CC2D1A: variants seen among roughly 807,000 people sequenced by gnomAD.
CC2D1A encodes coiled-coil and C2 domain containing 1A.
A neutral mutation model predicts 123.8 loss-of-function variants in CC2D1A; 68 were observed. The ratio of observed to expected loss-of-function variants is 0.55; its 90% confidence interval spans 0.45 to 0.67. CC2D1A has a LOEUF of 0.67. CC2D1A is among the 30% of genes least tolerant of loss of function. CC2D1A has a pLI of 0.00. For synonymous variants in CC2D1A, 477 were observed against 528.0 expected (o/e 0.90, Z 1.32); for missense variants, 1,185 against 1,290.3 (o/e 0.92, Z 1.25).
chr19:13,916,700 C>G (rs1172482543), intron 6 of CC2D1A, among the ~76,000 whole-genome samples: 1 of 151,866 alleles, frequency 6.6e-6, no homozygotes, highest in Admixed American at 6.6e-5. Context: ...GAAATAAAAC[C>G]AATACAATGT....
chr19:13,919,309 A>G (rs754596375), intron 11 of CC2D1A, 107 bp downstream of exon 11: 19 of 823,440 alleles, frequency 2.3e-5, no homozygotes, highest in Admixed American at 1.7e-4. Flanking sequence ...CTGTTCCTCC[A>G]GCCTCTGAGC....
Position 13,923,864 on chromosome 19 carries a change from C to A in CC2D1A, c.1940+53C>A. ...CGTGGCCCCAGTGGCCCTTTGGTGG[C>A]GGTGGGGCGGGTTGTGCTCCCCAGA... On this transcript the variant is annotated intron_variant, in intron 17 of 28. Transcript: ENST00000318003. This position sits in a 1 kb window ranked among gnomAD's most constrained non-coding sequence, Gnocchi z 5.3. 1 of 1,367,910 alleles carries A rather than the reference C, an allele frequency of 7.3e-7. No individual in the cohort carries two copies. Among genetic ancestry groups the A allele is most frequent in the South Asian group, 1.2e-5 (1 of 85,604 alleles). The allele number at this position is 1,367,910 out of a possible 1,614,324, so 84.7% of individuals were successfully genotyped here.
chr19:13,920,647 C>T lies in CC2D1A; in HGVS notation c.1447C>T (p.Pro483Ser). The T allele has an allele frequency of 6.2e-7, 1 of 1,610,524 alleles. No individual in the cohort carries two copies. Among genetic ancestry groups the T allele is most frequent in the Non-Finnish European group, 8.5e-7 (1 of 1,178,352 alleles). ...ATCAGCCCCAACAGCCAAAGCGCCC[C>T]CCAAAGCCACATCCACCAGAGGTAA... The part of the protein sequence containing the change: ...SGSAPTAKAP[P>S]KATSTRAQQQ... Residue 483 changes from proline (P) to serine (S), a missense_variant, in exon 13 of 29, where the codon CCC (proline) becomes TCC (serine). Pro to Ser is a moderately conservative substitution (Grantham distance 74). Transcript: ENST00000318003.
Position 13,906,526 on chromosome 19 carries a change from C to T in CC2D1A, c.60+25C>T. Reference sequence around the variant, plus strand: ...GGTGAGTTTGCGCCCCACGGCCCGACCTGGGGATCCCTCCCCACCCCCGTC... The same window carrying T: ...GGTGAGTTTGCGCCCCACGGCCCGATCTGGGGATCCCTCCCCACCCCCGTC... On this transcript the variant is annotated intron_variant, in intron 1 of 28. Coordinates refer to ENST00000318003, the MANE Select transcript of CC2D1A (RefSeq NM_017721.5). This position sits in a 1 kb window ranked among gnomAD's most constrained non-coding sequence, Gnocchi z 4.1. The T allele has an allele frequency of 6.2e-6, 9 of 1,448,732 alleles. No homozygotes were observed. Among genetic ancestry groups the T allele is most frequent in the Non-Finnish European group, 8.2e-6 (9 of 1,099,962 alleles). 89.7% of individuals were successfully genotyped at this position (1,448,732 alleles called of 1,614,324 possible).
chr19:13,929,431 C>T lies in CC2D1A; in HGVS notation c.2572C>T (p.Leu858=). The T allele has an allele frequency of 6.2e-7, 1 of 1,613,418 alleles. No homozygotes were observed. Among genetic ancestry groups the T allele is most frequent in the Non-Finnish European group, 8.5e-7 (1 of 1,179,984 alleles). Reference sequence around the variant, plus strand: ...TGTGCTGGCGTTTGACCAAGAGCGTCTGGAGCGGAAGGTGGGTATCCATCC... The same window carrying T: ...TGTGCTGGCGTTTGACCAAGAGCGTTTGGAGCGGAAGGTGGGTATCCATCC... ...LSVLAFDQER[L]ERKILALRQA... Residue 858 remains leucine, a synonymous_variant, in exon 25 of 29, where the codon CTG becomes TTG. Transcript: ENST00000318003.
chr19:13,925,934 A>AAAG (rs71170583), intron 17 of CC2D1A, among the ~76,000 whole-genome samples: 14 of 66,148 alleles, frequency 2.1e-4, no homozygotes, highest in Non-Finnish European at 2.8e-4. Context: ...AAAAAAAAAA[A>AAAG]TATATATATA....
Position 13,920,648 on chromosome 19 carries a change from C to A in CC2D1A, c.1448C>A (p.Pro483His), listed in dbSNP as rs201884654. ...TCAGCCCCAACAGCCAAAGCGCCCCCCAAAGCCACATCCACCAGAGGTAAG... is the reference window on the plus strand; with the variant it reads ...TCAGCCCCAACAGCCAAAGCGCCCCACAAAGCCACATCCACCAGAGGTAAG... ...SGSAPTAKAPPKATSTRAQQQ... is the reference protein window; with the variant it reads ...SGSAPTAKAPHKATSTRAQQQ... Residue 483 changes from proline (P) to histidine (H), a missense_variant, in exon 13 of 29, where the codon CCC (proline) becomes CAC (histidine). Transcript: ENST00000318003. 9.9e-4 allele frequency: 1,595 copies of A among 1,610,668 alleles called. No homozygotes were observed. Among genetic ancestry groups the A allele is most frequent in the Middle Eastern group, 5.5e-3 (33 of 6,054 alleles).
At chr19:13,926,116 C>T (rs1025596205) in intron 17 of CC2D1A, among the ~76,000 whole-genome samples, 13 of 147,884 alleles carry the variant, frequency 8.8e-5, no homozygotes, top group African/African-American at 3.3e-4. Flanking sequence ...GAAGGTCCCC[C>T]AGCAGCTGGG....
At chr19:13,916,717 T>G (rs1470585852) in intron 6 of CC2D1A, among the ~76,000 whole-genome samples, 1 of 152,104 alleles carries the variant, frequency 6.6e-6, no homozygotes, top group African/African-American at 2.4e-5. Flanking sequence ...ATGTCAAAGG[T>G]GTGTCACTTC....
intron 7 of CC2D1A, 91 bp downstream of exon 7, chr19:13,918,285 C>T: frequency 7.2e-7 from 1 of 1,396,646 alleles, no homozygotes; most frequent in Non-Finnish European, 9.6e-7. Flanking sequence ...TGCATCCTAG[C>T]TTGGTCACTC....
Position 13,918,120 on chromosome 19 carries a change from T to C in CC2D1A, c.799T>C (p.Tyr267His). 1.2e-6 allele frequency: 2 copies of C among 1,612,328 alleles called. No homozygotes were observed. Among genetic ancestry groups the C allele is most frequent in the Non-Finnish European group, 1.7e-6 (2 of 1,179,802 alleles). Reference sequence around the variant, plus strand: ...CCAGTTGCAGAGCCGCCAGCGCGACTACAAGCTGGCTGCCCTCCACGCCAA... The same window carrying C: ...CCAGTTGCAGAGCCGCCAGCGCGACCACAAGCTGGCTGCCCTCCACGCCAA... ...LAQLQSRQRD[Y>H]KLAALHAKQQ... is the part of the protein sequence containing the mutation. Residue 267 changes from tyrosine to histidine, a missense_variant, in exon 7 of 29, where the codon TAC (tyrosine) becomes CAC (histidine). By Grantham distance (83) the Tyr-to-His change is moderately conservative (BLOSUM62 2). Coordinates refer to ENST00000318003, the MANE Select transcript of CC2D1A (RefSeq NM_017721.5).
chr19:13,912,429 T>C lies in CC2D1A; in HGVS notation c.303T>C (p.Asp101=). The change falls in exon 3 of 29, where the codon GAT becomes GAC. Residue 101 remains aspartate (D), a synonymous_variant. Transcript: ENST00000318003. ...ATGAGGACGACTTGGAGGCTGATGA[T>C]GACCTGCTGGTGAGCACTGAGGGCG... is the stretch of plus-strand genomic sequence containing the variant. The part of the protein sequence containing the change: ...GTDEDDLEAD[D]DLLAELNEVL... 1 of 1,613,846 alleles carries C rather than the reference T, an allele frequency of 6.2e-7. No individual in the cohort carries two copies.
Position 13,923,460 on chromosome 19 carries a change from G to C in CC2D1A, c.1764+5G>C. 1 of 1,614,052 alleles carries C rather than the reference G, an allele frequency of 6.2e-7. No individual in the cohort carries two copies. Among genetic ancestry groups the C allele is most frequent in the Non-Finnish European group, 8.5e-7 (1 of 1,179,990 alleles). On this transcript the variant is annotated splice_donor_5th_base_variant and intron_variant, in intron 15 of 28. Transcript: ENST00000318003. The surrounding 1 kb of genome is among the most constrained non-coding windows in gnomAD (Gnocchi z 5.3). ...CTCATACGGCAGCAGCACGAGGTGA[G>C]GGGGAGGCCCCCAGCCCATCCCCCA...
In CC2D1A at chr19:13,912,368, T is replaced by A. The variant is rs1022493160; in HGVS notation, c.242T>A (p.Met81Lys). 1.2e-6 allele frequency: 2 copies of A among 1,612,976 alleles called. No homozygotes were observed. Among genetic ancestry groups the A allele is most frequent in the African/African-American group, 2.7e-5 (2 of 74,968 alleles). Residue 81 changes from methionine to lysine, a missense_variant, in exon 3 of 29, where the codon ATG (methionine) becomes AAG (lysine). Transcript: ENST00000318003. ...EAIEKMASLC[M>K]RDPDEDEEEG... ...ATTGAGAAGATGGCCAGCCTGTGCA[T>A]GAGAGACCCGGATGAGGATGAGGAG...
rs751407136 is a variant in CC2D1A at position 13,919,804 on chromosome 19, G to T, written c.1223-14G>T. 5.0e-6 allele frequency: 8 copies of T among 1,588,944 alleles called. No individual in the cohort carries two copies. In the East Asian group the frequency reaches 1.1e-4, roughly 22 times the overall value. On this transcript the variant is annotated splice_polypyrimidine_tract_variant and intron_variant, in intron 11 of 28. Coordinates refer to ENST00000318003, the MANE Select transcript of CC2D1A (RefSeq NM_017721.5). ...TCCTGACACACAATAACCAGGCCTC[G>T]ACTGGCCACCCAGGCTTCCCCCCAA...
In CC2D1A at chr19:13,930,801, G is replaced by C; in HGVS notation, c.*406G>C. The C allele has an allele frequency of 3.9e-6, 1 of 254,514 alleles. No individual in the cohort carries two copies. Among genetic ancestry groups the C allele is most frequent in the Non-Finnish European group, 7.5e-6 (1 of 133,038 alleles). The allele number at this position is 254,514 out of a possible 1,614,324, so 15.8% of individuals were successfully genotyped here. On this transcript the variant is annotated 3_prime_UTR_variant, in exon 29 of 29. Transcript: ENST00000318003. The surrounding 1 kb of genome is among the most constrained non-coding windows in gnomAD (Gnocchi z 6.8). ...CCACTGAGGCTGGCCGAGCCACACT[G>C]TCTCCCCAGGGGCGTCGACCTGGCC...
chr19:13,911,906 G>A (rs1308082349), intron 2 of CC2D1A, among the ~76,000 whole-genome samples: 3 of 151,932 alleles, frequency 2.0e-5, no homozygotes, highest in Non-Finnish European at 4.4e-5. Flanking sequence ...TAGTAGAGAC[G>A]GGGTTTCACC....
intron 14 of CC2D1A, 66 bp downstream of exon 14, chr19:13,920,988 C>T (rs906149229): frequency 6.5e-5 from 94 of 1,446,538 alleles, no homozygotes; most frequent in Non-Finnish European, 8.1e-5. Context: ...CCCTTAGCAG[C>T]CACGTGAACT....
chr19:13,917,397 C>T (rs554764086), intron 6 of CC2D1A, among the ~76,000 whole-genome samples: 3 of 152,184 alleles, frequency 2.0e-5, no homozygotes, highest in Non-Finnish European at 2.9e-5. Context: ...CGCCTAAGCC[C>T]GGTGTCTGAG....
Sources: gnomAD v4.1 joint callset for allele counts (sites outside exome capture counted in the v4.1 genomes callset) on GRCh38, gnomAD v4.1.1 for gene constraint, Gnocchi (gnomAD v3.1) non-coding constraint, MANE v1.5 for transcripts, NCBI Gene and HGNC (gene_info 2026-07-23, HGNC 2026-07-21) for gene names.